TSPOAP1: variants seen among roughly 807,000 people sequenced by gnomAD.
TSPOAP1 encodes TSPO associated protein 1.
In TSPOAP1, 87 loss-of-function variants were observed where a neutral mutation model predicts 197.0. The ratio of observed to expected loss-of-function variants is 0.44; its 90% CI spans 0.37 to 0.53. The LOEUF is 0.53. Among genes scored for constraint, TSPOAP1 ranks in the 20% least tolerant of loss-of-function variants. TSPOAP1 has a pLI of 0.00. For synonymous variants in TSPOAP1, 913 were observed against 998.9 expected (o/e 0.91, Z 1.62); for missense variants, 2,174 against 2,411.3 (o/e 0.90, Z 2.06).
rs773008922 is a variant in TSPOAP1 at position 58,320,590 on chromosome 17, G to A, written c.1423-9C>T. 12 of 1,439,678 alleles carry A rather than the reference G, an allele frequency of 8.3e-6. No homozygotes were observed. Among genetic ancestry groups the A allele is most frequent in the Non-Finnish European group, 1.1e-5 (12 of 1,092,412 alleles). The allele number at this position is 1,439,678 out of a possible 1,614,324, so 89.2% of individuals were successfully genotyped here. A position where few individuals can be genotyped will look rare whatever the true frequency, so the allele number is the denominator to read the frequency against. ...TGGGCTTCAGCCTGGGCCTACAGGT[G>A]GGGGGAACCAAAATACTGGAGGGAA... On this transcript the variant is annotated splice_polypyrimidine_tract_variant and intron_variant, in intron 10 of 31. Coordinates refer to ENST00000343736, the MANE Select transcript of TSPOAP1 (RefSeq NM_004758.4).
chr17:58,316,569 T>C, intron 14 of TSPOAP1, 29 bp from the exon 15 acceptor site: 1 of 1,577,906 alleles, frequency 6.3e-7, no homozygotes, highest in Non-Finnish European at 8.6e-7. Flanking sequence ...GGCTGGTTTC[T>C]CTTCAGGGCC....
chr17:58,317,744 T>C (rs964009529), intron 14 of TSPOAP1, among the ~76,000 whole-genome samples: 1 of 152,224 alleles, frequency 6.6e-6, no homozygotes, highest in African/African-American at 2.4e-5. Flanking sequence ...CTGCCCCGTG[T>C]TGAGCACACA....
Position 58,304,141 on chromosome 17 carries a change from A to G in TSPOAP1, c.*32+197T>C, listed in dbSNP as rs1970797186. 1.8e-6 allele frequency: 1 copy of G among 568,678 alleles called. No homozygotes were observed. The highest frequency in any genetic ancestry group is 2.1e-5 in the South Asian group (1 of 47,394). The allele number at this position is 568,678 out of a possible 1,614,324, so 35.2% of individuals were successfully genotyped here. On this transcript the variant is annotated intron_variant, in intron 31 of 31. Coordinates refer to ENST00000343736, the MANE Select transcript of TSPOAP1 (RefSeq NM_004758.4). The surrounding 1 kb of genome is among the most constrained non-coding windows in gnomAD (Gnocchi z 4.2). Reference sequence around the variant, plus strand: ...TATGACAGCTGGCACTGCCCTGGGTAAAGGCAAGGCAAGGGGAGCAGGGAG... The same window carrying G: ...TATGACAGCTGGCACTGCCCTGGGTGAAGGCAAGGCAAGGGGAGCAGGGAG...
intron 24 of TSPOAP1, 24 bp downstream of exon 24, chr17:58,307,587 G>A: frequency 6.2e-7 from 1 of 1,610,212 alleles, no homozygotes; most frequent in Non-Finnish European, 8.5e-7. Context: ...TTGGAATTCT[G>A]AGCCCTGATG....
chr17:58,322,903 C>A lies in TSPOAP1; in HGVS notation c.1194+47G>T, dbSNP rs754453638. ...AAAGCCCCTTGGCTGGGGACCGGGG[C>A]AGTGGTGGGAGCACAGGTCTCCACA... On this transcript the variant is annotated intron_variant, in intron 8 of 31. Coordinates refer to ENST00000343736, the MANE Select transcript of TSPOAP1 (RefSeq NM_004758.4). This position sits in a 1 kb window ranked among gnomAD's most constrained non-coding sequence, Gnocchi z 5.0. 5.9e-5 allele frequency: 95 copies of A among 1,603,666 alleles called. No individual in the cohort carries two copies. The highest frequency in any genetic ancestry group is 8.0e-5 in the Non-Finnish European group (94 of 1,174,582).
Position 58,305,871 on chromosome 17 carries a change from G to T in TSPOAP1, c.5225-6C>A. On this transcript the variant is annotated splice_polypyrimidine_tract_variant and splice_region_variant and intron_variant, in intron 26 of 31. Coordinates refer to ENST00000343736, the MANE Select transcript of TSPOAP1 (RefSeq NM_004758.4). ...GGCAGGGCCTTCCGACTCAGCTGTG[G>T]AAAGAATGTGCCTGTGAGCCCCCTC... is the stretch of plus-strand genomic sequence containing the variant. 3 of 1,612,212 alleles carry T rather than the reference G, an allele frequency of 1.9e-6. No homozygotes were observed. Among genetic ancestry groups the T allele is most frequent in the Non-Finnish European group, 2.5e-6 (3 of 1,179,716 alleles).
intron 24 of TSPOAP1, among the ~76,000 whole-genome samples, chr17:58,307,223 G>A (rs776147770): frequency 5.3e-5 from 8 of 152,192 alleles, no homozygotes; most frequent in Non-Finnish European, 8.8e-5. Context: ...CTTAGTCTCA[G>A]AGCAATAGCA....
At chr17:58,315,474 C>T (rs1290294346) in intron 16 of TSPOAP1, among the ~76,000 whole-genome samples, 3 of 152,228 alleles carry the variant, frequency 2.0e-5, no homozygotes, top group African/African-American at 7.2e-5. Context: ...CTCAATGAGG[C>T]ATCTGCCTTG....
rs1014957274 is a variant in TSPOAP1, at chr17:58,302,329, C to T, written c.*151G>A. 39 of 1,289,530 alleles carry T rather than the reference C, an allele frequency of 3.0e-5. No individual in the cohort carries two copies. Among genetic ancestry groups the T allele is most frequent in the Admixed American group, 4.6e-5 (2 of 43,524 alleles). 79.9% of individuals were successfully genotyped at this position (1,289,530 alleles called of 1,614,324 possible). A position where few individuals can be genotyped will look rare whatever the true frequency, so the allele number is the denominator to read the frequency against. On this transcript the variant is annotated 3_prime_UTR_variant, in exon 32 of 32. Coordinates refer to ENST00000343736, the MANE Select transcript of TSPOAP1 (RefSeq NM_004758.4). Reference sequence around the variant, plus strand: ...CTGCTTCCCCTTGGAGAAGAAACCCCACACCTTCTCGCTTCTGCCCTGGGG... The same window carrying T: ...CTGCTTCCCCTTGGAGAAGAAACCCTACACCTTCTCGCTTCTGCCCTGGGG...
chr17:58,310,404 G>T, intron 20 of TSPOAP1, 108 bp downstream of exon 20: 2 of 1,497,726 alleles, frequency 1.3e-6, no homozygotes, highest in Non-Finnish European at 1.8e-6. Flanking sequence ...GTGAGAGCAG[G>T]ACCAGAGCAG....
In TSPOAP1 at chr17:58,324,887, G is replaced by A. The variant is rs539115813; in HGVS notation, c.866C>T (p.Pro289Leu). 1.3e-6 allele frequency: 2 copies of A among 1,532,494 alleles called. No homozygotes were observed. The highest frequency in any genetic ancestry group is 2.5e-5 in the East Asian group (1 of 40,740). 94.9% of individuals were successfully genotyped at this position (1,532,494 alleles called of 1,614,324 possible). The change falls in exon 5 of 32, where the codon CCG becomes CTG. Residue 289 changes from proline to leucine, a missense_variant. This residue lies in a region of TSPOAP1 where 1,933 missense variants were observed against 2,139.0 expected (regional missense o/e 0.90). Coordinates refer to ENST00000343736, the MANE Select transcript of TSPOAP1 (RefSeq NM_004758.4). This position sits in a 1 kb window ranked among gnomAD's most constrained non-coding sequence, Gnocchi z 5.8. Reference protein sequence around the residue: ...IALRNQRETLPLPPSWPPGPA... With the variant: ...IALRNQRETLLLPPSWPPGPA... ...GCCCGGGGGCCAGGACGGCGGGAGC[G>A]GGAGCGTCTCCCGCTGGTTGCGCAG...
intron 27 of TSPOAP1, 67 bp from the exon 28 acceptor site, chr17:58,305,710 C>T (rs1970863314): frequency 7.0e-7 from 1 of 1,425,446 alleles, no homozygotes; most frequent in Admixed American, 1.9e-5. Context: ...TGTCTTCTGC[C>T]CCGGACCCCT....
intron 7 of TSPOAP1, 96 bp from the exon 8 acceptor site, chr17:58,323,135 C>G: frequency 6.7e-7 from 1 of 1,495,732 alleles, no homozygotes. Flanking sequence ...GCAAGGCCTT[C>G]CTCCCCTGCT....
chr17:58,311,191 G>A lies in TSPOAP1; in HGVS notation c.3104C>T (p.Thr1035Met), dbSNP rs1231038671. The A allele has an allele frequency of 9.3e-6, 15 of 1,611,782 alleles. No homozygotes were observed. The highest frequency in any genetic ancestry group is 4.4e-5 in the South Asian group (4 of 90,826). The part of the protein sequence containing the change: ...GQKIMEVASP[T>M]AGSVLVELSQ... ...CAACTCCACCAGTACACTGCCTGCC[G>A]TGGGTGAGGCCACCTCCATGATCTG... The change falls in exon 19 of 32, where the codon ACG becomes ATG. Residue 1035 changes from threonine (T) to methionine (M), a missense_variant. Coordinates refer to ENST00000343736, the MANE Select transcript of TSPOAP1 (RefSeq NM_004758.4).
At chr17:58,319,591 G>T (rs1175754960) in intron 12 of TSPOAP1, among the ~76,000 whole-genome samples, 1 of 152,232 alleles carries the variant, frequency 6.6e-6, no homozygotes, top group Non-Finnish European at 1.5e-5. Flanking sequence ...GCCTCTGGCT[G>T]CTTTCTAGGC....
Position 58,326,441 on chromosome 17 carries a change from A to T in TSPOAP1, c.442-20T>A. 6.2e-7 allele frequency: 1 copy of T among 1,612,690 alleles called. No homozygotes were observed. The highest frequency in any genetic ancestry group is 1.7e-5 in the Admixed American group (1 of 59,956). On this transcript the variant is annotated intron_variant, in intron 2 of 31. Transcript: ENST00000343736. The surrounding 1 kb of genome is among the most constrained non-coding windows in gnomAD (Gnocchi z 4.7). ...CTTCCTCTGACAAGGGGTCAGGCAG[A>T]ATTGGGGCATGTAGGGAGCACCCCA...
At chr17:58,310,467 G>T in intron 20 of TSPOAP1, 45 bp downstream of exon 20, 1 of 1,600,052 alleles carries the variant, frequency 6.2e-7, no homozygotes, top group Middle Eastern at 1.7e-4. Context: ...TAGGGAGACA[G>T]GCCTCAATTC....
In TSPOAP1 at chr17:58,326,206, C is replaced by G. The variant is rs1039924204; in HGVS notation, c.570+87G>C. On this transcript the variant is annotated intron_variant, in intron 3 of 31. Coordinates refer to ENST00000343736, the MANE Select transcript of TSPOAP1 (RefSeq NM_004758.4). This position sits in a 1 kb window ranked among gnomAD's most constrained non-coding sequence, Gnocchi z 4.7. ...TAGGTGCTGAGCTGAGACCGTGACT[C>G]CCAAGCTTCAGACAGCCCTCAGGCC... 7 of 1,567,082 alleles carry G rather than the reference C, an allele frequency of 4.5e-6. No individual in the cohort carries two copies. In the Admixed American group the frequency reaches 9.2e-5, roughly 21 times the overall value.
Position 58,327,707 on chromosome 17 carries a change from C to T in TSPOAP1, c.214G>A (p.Val72Met), listed in dbSNP as rs772493918. 21 of 1,614,012 alleles carry T rather than the reference C, an allele frequency of 1.3e-5. No individual in the cohort carries two copies. The highest frequency in any genetic ancestry group is 4.0e-5 in the African/African-American group (3 of 74,946). Residue 72 changes from valine to methionine, a missense_variant, in exon 1 of 32, where the codon GTG (valine) becomes ATG (methionine). Around this residue, in one of 5 missense-constraint regions of TSPOAP1, gnomAD observed 1,933 missense variants for 2,139.0 expected, o/e 0.90. Coordinates refer to ENST00000343736, the MANE Select transcript of TSPOAP1 (RefSeq NM_004758.4). The stretch of plus-strand genomic sequence containing the variant: ...GCTCCTTCAGGGTCAGTTCCCCCCA[C>T]GGGCCTGGAGCTCCCGTCTCCTTTG... ...KPKGDGSSRP[V>M]GGTDPEGAEA...
Sources: gnomAD v4.1 joint callset for allele counts (sites outside exome capture counted in the v4.1 genomes callset) on GRCh38, gnomAD v4.1.1 for gene constraint, gnomAD v4.1.1 regional missense constraint, Gnocchi (gnomAD v3.1) non-coding constraint, MANE v1.5 for transcripts, NCBI Gene and HGNC (gene_info 2026-07-23, HGNC 2026-07-21) for gene names.